SANBR: variants seen among roughly 807,000 people sequenced by gnomAD.
SANBR encodes the protein SANT and BTB domain regulator of CSR.
Under a neutral mutation model 101.8 loss-of-function variants are expected in SANBR, and 77 were observed. The observed-to-expected ratio is 0.76, with a 90% confidence interval of 0.63 to 0.91. SANBR has a LOEUF of 0.91. Ranked by LOEUF, SANBR falls within the 40% of genes least tolerant of loss-of-function variation. SANBR has a pLI of 0.00. For missense variants in SANBR, 875 were observed against 853.0 expected, an observed-to-expected ratio of 1.03 and a Z score of -0.32; for synonymous variants, 279 against 274.7, an observed-to-expected ratio of 1.02 and a Z score of -0.15.
chr2:61,116,111 A>G (rs1170429009), intron 17 of SANBR, 41 bp downstream of exon 17: 1 of 1,349,258 alleles, frequency 7.4e-7, no homozygotes, highest in Non-Finnish European at 1.0e-6. Flanking sequence ...ATATGGAAAA[A>G]TAAGCATGTG....
chr2:61,070,690 A>AT (rs2104841580), intron 3 of SANBR, among the ~76,000 whole-genome samples, 190 bp downstream of exon 3: 1 of 147,656 alleles, frequency 6.8e-6, no homozygotes, highest in South Asian at 2.1e-4. Context: ...TATAGTATAT[A>AT]AATTTTATAT....
At position 61,118,102 on chromosome 2, in the gene SANBR, A is replaced by G. The variant is rs1684163854; in HGVS notation, c.2014A>G (p.Lys672Glu). The G allele has an allele frequency of 1.2e-6, 2 of 1,611,666 alleles. No individual in the cohort carries two copies. The highest frequency in any genetic ancestry group is 1.3e-5 in the African/African-American group (1 of 74,818). ...RLGDLDRVKS[K>E]EAKEFAGGIY... ...GGGGGATCTGGACCGAGTCAAGTCA[A>G]AGGAAGCAAAAGAAGTAAGAATTGT... is the stretch of plus-strand genomic sequence containing the variant. Residue 672 changes from lysine to glutamate, a missense_variant, in exon 20 of 22, where the codon AAG (lysine) becomes GAG (glutamate). Physicochemically the swap from Lys to Glu is moderately conservative, Grantham distance 56. Transcript: ENST00000402291.
chr2:61,080,458 C>T (rs886677585), intron 6 of SANBR, among the ~76,000 whole-genome samples: 7 of 152,180 alleles, frequency 4.6e-5, no homozygotes, highest in African/African-American at 1.2e-4. Flanking sequence ...CGTGGTGGCT[C>T]ACGCCTGTAA....
At chr2:61,094,329 A>G (rs1682923262) in intron 11 of SANBR, among the ~76,000 whole-genome samples, 1 of 152,118 alleles carries the variant, frequency 6.6e-6, no homozygotes, top group South Asian at 2.1e-4. Context: ...TTTTCTCTAT[A>G]TATAGTTTTG....
chr2:61,123,706 G>C lies in SANBR; in HGVS notation c.*1544G>C, dbSNP rs1174115302. 1 of 984,508 alleles carries C rather than the reference G, an allele frequency of 1.0e-6. No homozygotes were observed. The highest frequency in any genetic ancestry group is 1.7e-5 in the African/African-American group (1 of 57,200). The allele number at this position is 984,508 out of a possible 1,614,324, so 61.0% of individuals were successfully genotyped here. On this transcript the variant is annotated 3_prime_UTR_variant, in exon 22 of 22. Transcript: ENST00000402291. ...ATATATGCTCTTTTGATTTTTAACTGATGGTAAAAAGGCAAACTGCTTCTC... is the reference window on the plus strand; with the variant it reads ...ATATATGCTCTTTTGATTTTTAACTCATGGTAAAAAGGCAAACTGCTTCTC...
rs2104977953 is a variant in SANBR, at chr2:61,123,484, A to G, written c.*1322A>G. The G allele has an allele frequency of 2.0e-6, 2 of 977,586 alleles. No homozygotes were observed. Among genetic ancestry groups the G allele is most frequent in the Middle Eastern group, 5.3e-4 (1 of 1,900 alleles). 60.6% of individuals were successfully genotyped at this position (977,586 alleles called of 1,614,324 possible). On this transcript the variant is annotated 3_prime_UTR_variant, in exon 22 of 22. Coordinates refer to ENST00000402291, the MANE Select transcript of SANBR (RefSeq NM_001129993.3). ...CTGTTTAGAAATTTTGTTCCCATTT[A>G]TATTTGTTTCAATTGTTTGATACTG...
chr2:61,116,903 A>G lies in SANBR; in HGVS notation c.1837-454A>G, dbSNP rs550477085. ...CCCCATTTCTACTAAAAAAAAATAC[A>G]AAAATTAGCCAGGTATGGTGGCACA... is the stretch of plus-strand genomic sequence containing the variant. On this transcript the variant is annotated intron_variant, in intron 17 of 21. Coordinates refer to ENST00000402291, the MANE Select transcript of SANBR (RefSeq NM_001129993.3). 2.0e-4 allele frequency among the ~76,000 whole-genome samples: 30 copies of G among 152,100 alleles called. No individual in the cohort carries two copies. In the South Asian group the frequency reaches 5.8e-3, roughly 30 times the overall value.
chr2:61,078,891 T>G (rs1054445005), intron 6 of SANBR, among the ~76,000 whole-genome samples: 1 of 151,610 alleles, frequency 6.6e-6, no homozygotes, highest in African/African-American at 2.4e-5. Flanking sequence ...ATACAAAAAT[T>G]AGCTGGGCGT....
intron 21 of SANBR, chr2:61,134,391 A>G (rs920603070): frequency 1.9e-6 from 2 of 1,037,336 alleles, no homozygotes; most frequent in Non-Finnish European, 2.7e-6. Flanking sequence ...CCCCACCTAG[A>G]TGGTTGCCTT....
chr2:61,099,854 C>A (rs1310727986), intron 12 of SANBR, among the ~76,000 whole-genome samples: 1 of 152,004 alleles, frequency 6.6e-6, no homozygotes, highest in African/African-American at 2.4e-5. Context: ...ACTGTGGTGC[C>A]TAATACTGCT....
At chr2:61,086,189 C>CTT (rs1266621542) in intron 8 of SANBR, among the ~76,000 whole-genome samples, 3 of 151,646 alleles carry the variant, frequency 2.0e-5, no homozygotes, top group Non-Finnish European at 4.4e-5. Flanking sequence ...GAGACAGGGT[C>CTT]TTCTTGCTCA....
downstream of SANBR, among the ~76,000 whole-genome samples, chr2:61,127,271 C>T (rs1684540171): frequency 6.6e-6 from 1 of 152,132 alleles, no homozygotes; most frequent in Non-Finnish European, 1.5e-5. Context: ...TGGACTGTCC[C>T]CAGCCCGGCA....
rs938308674 is a variant in SANBR, at chr2:61,129,456, C to A, written c.2029-4681C>A. On this transcript the variant is annotated intron_variant, in intron 20 of 21. Coordinates refer to the SANBR transcript ENST00000295031. ...CGAAACTCCATCTCAAAAAAAAAAA[C>A]AAGAAAAAAAGTTATTGAGGCTGAA... 8.0e-4 allele frequency among the ~76,000 whole-genome samples: 116 copies of A among 144,132 alleles called. 2 individuals are homozygous for A. Among genetic ancestry groups the A allele is most frequent in the Admixed American group, 8.3e-4 (12 of 14,482 alleles). 94.6% of individuals were successfully genotyped at this position (144,132 alleles called of 152,430 possible). A position where few individuals can be genotyped will look rare whatever the true frequency, so the allele number is the denominator to read the frequency against.
At chr2:61,071,857 C>G in intron 4 of SANBR, 65 bp downstream of exon 4, 1 of 973,202 alleles carries the variant, frequency 1.0e-6, no homozygotes, top group East Asian at 2.7e-5. Flanking sequence ...TTATATATTC[C>G]AATCAACTTT....
chr2:61,093,808 A>T (rs1029171256), intron 11 of SANBR, among the ~76,000 whole-genome samples: 1 of 152,186 alleles, frequency 6.6e-6, no homozygotes, highest in African/African-American at 2.4e-5. Flanking sequence ...GTTCCCAAAA[A>T]GTTTTTGTTT....
In SANBR at chr2:61,071,706, T is replaced by C. The variant is rs139952864; in HGVS notation, c.251T>C (p.Leu84Ser). The change falls in exon 4 of 22, where the codon TTA becomes TCA. Residue 84 changes from leucine to serine, a missense_variant. Coordinates refer to ENST00000402291, the MANE Select transcript of SANBR (RefSeq NM_001129993.3). ...MAAGESPVET[L>S]ATYIKSSLLD... ...GCTGGAGAGAGTCCTGTTGAAACTT[T>C]AGCCACATATATCAAATCCTCACTT... is the stretch of plus-strand genomic sequence containing the variant. 7 of 1,608,090 alleles carry C rather than the reference T, an allele frequency of 4.4e-6. 1 individual carries two copies. Among genetic ancestry groups the C allele is most frequent in the Middle Eastern group, 1.7e-4 (1 of 6,054 alleles).
intron 16 of SANBR, among the ~76,000 whole-genome samples, chr2:61,110,039 G>A (rs1449319902): frequency 2.0e-5 from 3 of 152,078 alleles, no homozygotes; most frequent in Non-Finnish European, 4.4e-5. Flanking sequence ...AGGAAAATTG[G>A]TTCAAAGAGA....
intron 4 of SANBR, among the ~76,000 whole-genome samples, chr2:61,072,262 C>G (rs966092670): frequency 6.6e-6 from 1 of 152,004 alleles, no homozygotes; most frequent in Non-Finnish European, 1.5e-5. Flanking sequence ...TCATGTTTAT[C>G]TTTGCTATTT....
intron 20 of SANBR, among the ~76,000 whole-genome samples, chr2:61,133,500 C>T (rs751862479): frequency 2.8e-4 from 42 of 151,840 alleles, no homozygotes; most frequent in Admixed American, 7.2e-4. Flanking sequence ...TGCCTGTAAT[C>T]CCAGCACTTT....
Sources: allele counts gnomAD v4.1 joint callset (sites outside exome capture counted in the v4.1 genomes callset), GRCh38; gene constraint gnomAD v4.1.1; transcripts MANE v1.5; gene names NCBI Gene and HGNC (gene_info 2026-07-23, HGNC 2026-07-21).